PXDNL: variants seen among roughly 807,000 people sequenced by gnomAD.
PXDNL encodes peroxidasin like, also known as probable oxidoreductase PXDNL.
Under a neutral mutation model 150.8 loss-of-function variants are expected in PXDNL, and 145 were observed. That is an observed-to-expected ratio of 0.96 (90% confidence interval 0.84 to 1.10). PXDNL has a LOEUF of 1.10. PXDNL is among the 50% of genes least tolerant of loss of function. The probability of loss-of-function intolerance (pLI) is 0.00; values close to 1 mark genes in which losing one functional copy is unlikely to be tolerated. For missense variants in PXDNL, 2,087 were observed against 1,873.9 expected, an observed-to-expected ratio of 1.11 and a Z score of -2.10; for synonymous variants, 757 against 725.7, an observed-to-expected ratio of 1.04 and a Z score of -0.69.
chr8:51,572,077 T>A (rs1812957772), intron 3 of PXDNL, among the ~76,000 whole-genome samples: 1 of 137,798 alleles, frequency 7.3e-6, no homozygotes, highest in African/African-American at 2.7e-5. Context: ...AAAAATGCAC[T>A]TTCTACTTAC....
intron 1 of PXDNL, among the ~76,000 whole-genome samples, chr8:51,689,372 A>G (rs1815942454): frequency 1.3e-5 from 2 of 151,638 alleles, no homozygotes; most frequent in African/African-American, 4.8e-5. Flanking sequence ...AATCTACTGC[A>G]GAACGTCTTT....
intron 1 of PXDNL, among the ~76,000 whole-genome samples, chr8:51,679,536 T>A (rs1016525754): frequency 1.3e-5 from 2 of 152,194 alleles, no homozygotes; most frequent in Non-Finnish European, 2.9e-5. Context: ...GACTGACACA[T>A]CATGCTCAAT....
intron 1 of PXDNL, among the ~76,000 whole-genome samples, chr8:51,744,956 GA>G (rs1171359149): frequency 6.0e-5 from 7 of 116,230 alleles, no homozygotes; most frequent in African/African-American, 2.7e-4. Flanking sequence ...AAGAAAGAAA[GA>G]AAGAAAGAAA....
intron 1 of PXDNL, among the ~76,000 whole-genome samples, chr8:51,669,583 G>A (rs1161986410): frequency 6.6e-6 from 1 of 152,120 alleles, no homozygotes; most frequent in Non-Finnish European, 1.5e-5. Flanking sequence ...TTTCATATGG[G>A]CTGTAGATTG....
At chr8:51,437,968 T>C (rs553542428) in intron 12 of PXDNL, among the ~76,000 whole-genome samples, 1 of 152,302 alleles carries the variant, frequency 6.6e-6, no homozygotes, top group Non-Finnish European at 1.5e-5. Flanking sequence ...AGTTTCAGAA[T>C]ACAAAATTAA....
intron 1 of PXDNL, among the ~76,000 whole-genome samples, chr8:51,736,875 C>T (rs1194323040): frequency 8.5e-5 from 13 of 152,106 alleles, no homozygotes; most frequent in Non-Finnish European, 1.5e-5. Flanking sequence ...GAAAGCAATT[C>T]CACTTCTTCA....
chr8:51,389,680 A>G (rs983809006), intron 17 of PXDNL, among the ~76,000 whole-genome samples: 3 of 152,240 alleles, frequency 2.0e-5, no homozygotes, highest in African/African-American at 7.2e-5. Flanking sequence ...TTTGTGACAT[A>G]TAAGAATTGC....
chr8:51,328,002 C>A (rs73678518), intron 21 of PXDNL, among the ~76,000 whole-genome samples: 15 of 152,318 alleles, frequency 9.8e-5, no homozygotes, highest in African/African-American at 3.4e-4. Flanking sequence ...TTTGGGAGTG[C>A]TTTTGGATGA....
chr8:51,416,936 A>T (rs1336785701), intron 14 of PXDNL, among the ~76,000 whole-genome samples: 1 of 152,224 alleles, frequency 6.6e-6, no homozygotes, highest in Admixed American at 6.5e-5. Flanking sequence ...TTTTAAGTTT[A>T]TGTGGTTTAA....
chr8:51,715,913 A>T (rs2130907275), intron 1 of PXDNL, among the ~76,000 whole-genome samples: 1 of 152,306 alleles, frequency 6.6e-6, no homozygotes, highest in African/African-American at 2.4e-5. Context: ...AAGTTTAAAA[A>T]AAAAAATGCT....
At chr8:51,403,864 C>G (rs934103811) in intron 17 of PXDNL, among the ~76,000 whole-genome samples, 2 of 152,144 alleles carry the variant, frequency 1.3e-5, no homozygotes, top group African/African-American at 4.8e-5. Context: ...AATGAACTTG[C>G]GGACCCTCAC....
chr8:51,739,531 T>TA (rs1168144047), intron 1 of PXDNL, among the ~76,000 whole-genome samples: 1 of 152,122 alleles, frequency 6.6e-6, no homozygotes, highest in African/African-American at 2.4e-5. Flanking sequence ...TAAAAACAAC[T>TA]AAAAATCTCC....
At chr8:51,543,710 C>CAAAAAA (rs572642373) in intron 4 of PXDNL, among the ~76,000 whole-genome samples, 75 of 60,006 alleles carry the variant, frequency 1.2e-3, no homozygotes, top group Admixed American at 2.1e-3. Context: ...GACTCCATAT[C>CAAAAAA]AAAAAAAAAA....
intron 1 of PXDNL, among the ~76,000 whole-genome samples, chr8:51,750,799 G>C (rs989704863): frequency 6.6e-6 from 1 of 152,140 alleles, no homozygotes; most frequent in African/African-American, 2.4e-5. Context: ...AGGTATGTAC[G>C]TATAGGAAGA....
At chr8:51,380,139 A>C (rs1586053014) in intron 17 of PXDNL, among the ~76,000 whole-genome samples, 1 of 137,618 alleles carries the variant, frequency 7.3e-6, no homozygotes, top group Non-Finnish European at 1.6e-5. Context: ...AAAAAAAAAA[A>C]ATAACAAAAA....
intron 12 of PXDNL, among the ~76,000 whole-genome samples, chr8:51,441,820 A>C (rs907034888): frequency 3.9e-5 from 6 of 152,318 alleles, no homozygotes; most frequent in African/African-American, 1.4e-4. Flanking sequence ...AAGAGGAGGT[A>C]AGATTGGCTG....
At chr8:51,776,301 C>A (rs539346878) in intron 1 of PXDNL, among the ~76,000 whole-genome samples, 23 of 152,232 alleles carry the variant, frequency 1.5e-4, no homozygotes, top group African/African-American at 5.1e-4. Flanking sequence ...GTGACCCACA[C>A]CCTATTCGTA....
chr8:51,588,751 C>A lies in PXDNL; in HGVS notation c.308+3876G>T, dbSNP rs192734694. 3.6e-4 allele frequency among the ~76,000 whole-genome samples: 55 copies of A among 151,982 alleles called. 1 individual carries two copies. In the East Asian group the frequency reaches 0.01, roughly 28 times the overall value. ...TCTAAGGGAGTTACTCGTGACATGC[C>A]CATGAGTAGAGAACTACAGAGCAGG... On this transcript the variant is annotated intron_variant, in intron 3 of 22. Coordinates refer to ENST00000356297, the MANE Select transcript of PXDNL (RefSeq NM_144651.5).
intron 12 of PXDNL, among the ~76,000 whole-genome samples, chr8:51,441,020 T>G (rs1809533435): frequency 6.6e-6 from 1 of 152,192 alleles, no homozygotes; most frequent in Non-Finnish European, 1.5e-5. Flanking sequence ...CCCACCCACA[T>G]CTCACTTTGA....
Sources: allele counts gnomAD v4.1 joint callset (sites outside exome capture counted in the v4.1 genomes callset), GRCh38; gene constraint gnomAD v4.1.1; transcripts MANE v1.5; gene names NCBI Gene and HGNC (gene_info 2026-07-23, HGNC 2026-07-21).